The following ASCC1 variants were observed in gnomAD, a reference collection of about 807,000 sequenced individuals.
The protein encoded by ASCC1 is activating signal cointegrator 1 complex subunit 1.
In ASCC1, 35 loss-of-function variants were observed where a neutral mutation model predicts 46.6. That is an observed-to-expected ratio of 0.75 (90% CI 0.57 to 0.99). The LOEUF (loss-of-function observed/expected upper bound fraction) is 0.99, where lower values mean the gene tolerates loss of function less well. Ranked by LOEUF, ASCC1 falls within the 50% of genes least tolerant of loss-of-function variation. The pLI is 0.00. For missense variants in ASCC1, 376 were observed against 428.7 expected (o/e 0.88, Z 1.09); for synonymous variants, 143 against 146.6 (o/e 0.98, Z 0.18).
intron 9 of ASCC1, among the ~76,000 whole-genome samples, chr10:72,099,127 T>G (rs576912623): frequency 2.0e-5 from 3 of 152,092 alleles, no homozygotes; most frequent in African/African-American, 7.3e-5. Flanking sequence ...AGCCTGTGAG[T>G]GCTACCTTCT....
At chr10:72,129,851 T>C (rs1323023070) in intron 8 of ASCC1, among the ~76,000 whole-genome samples, 1 of 150,120 alleles carries the variant, frequency 6.7e-6, no homozygotes, top group African/African-American at 2.4e-5. Context: ...TGTAGTGGCA[T>C]GTGCCTGTAT....
intron 9 of ASCC1, among the ~76,000 whole-genome samples, chr10:72,127,246 T>C (rs1056504530): frequency 6.6e-6 from 1 of 152,220 alleles, no homozygotes; most frequent in Non-Finnish European, 1.5e-5. Context: ...ACCTCTCCAT[T>C]AGTATCAACT....
At chr10:72,206,061 G>A (rs1420016172) in intron 3 of ASCC1, among the ~76,000 whole-genome samples, 1 of 149,194 alleles carries the variant, frequency 6.7e-6, no homozygotes, top group East Asian at 2.0e-4. Flanking sequence ...CTGAGATTGT[G>A]CCATTCCACT....
chr10:72,133,560 A>C (rs1218085065), intron 7 of ASCC1: 4 of 305,240 alleles, frequency 1.3e-5, no homozygotes, highest in African/African-American at 2.2e-5. Context: ...AAGTGCAAAG[A>C]TGCCAAGGCA....
At chr10:72,194,952 G>C (rs947015298) in intron 5 of ASCC1, among the ~76,000 whole-genome samples, 6 of 151,830 alleles carry the variant, frequency 4.0e-5, no homozygotes, top group Non-Finnish European at 5.9e-5. Context: ...ATGTTGGTCA[G>C]GCTGGTCTCA....
intron 7 of ASCC1, among the ~76,000 whole-genome samples, chr10:72,149,812 T>A: frequency 6.6e-6 from 1 of 152,202 alleles, no homozygotes; most frequent in East Asian, 1.9e-4. Flanking sequence ...TGTGATCTCC[T>A]ATAAAGTAAC....
intron 5 of ASCC1, chr10:72,190,524 G>T: frequency 1.9e-6 from 3 of 1,562,528 alleles, no homozygotes; most frequent in Non-Finnish European, 1.7e-6. Flanking sequence ...GGTGGTTCTC[G>T]CAGGGCAGCT....
chr10:72,160,358 G>A lies in ASCC1; in HGVS notation c.626+1180C>T, dbSNP rs572638689. ...AGTAAAAAAACTATTTGAGTGAATT[G>A]GCTTTCACATTTCTCTCTTTTGTCA... On this transcript the variant is annotated intron_variant, in intron 6 of 9. Transcript: ENST00000672957. 2.6e-5 allele frequency among the ~76,000 whole-genome samples: 4 copies of A among 152,162 alleles called. No individual in the cohort carries two copies. The South Asian group carries it at 6.2e-4, about 24-fold the overall frequency.
At chr10:72,113,794 T>C (rs1453491646) in intron 9 of ASCC1, among the ~76,000 whole-genome samples, 1 of 152,348 alleles carries the variant, frequency 6.6e-6, no homozygotes, top group South Asian at 2.1e-4. Flanking sequence ...GCTGTCAAAA[T>C]ATGAAAAGCC....
chr10:72,190,712 T>G, intron 5 of ASCC1: 1 of 606,400 alleles, frequency 1.6e-6, no homozygotes, highest in East Asian at 2.8e-5. Flanking sequence ...ACAGTTAAAG[T>G]GAAGGCCGGG....
intron 7 of ASCC1, chr10:72,133,539 G>T (rs765571214): frequency 6.5e-6 from 2 of 308,406 alleles, no homozygotes; most frequent in Non-Finnish European, 1.3e-5. Context: ...TCAAGTAGAA[G>T]AAGAAACAGC....
rs1853460158 is a variant in ASCC1 at position 72,186,436 on chromosome 10, T to C, written c.489+10375A>G. 2.0e-5 allele frequency among the ~76,000 whole-genome samples: 3 copies of C among 152,172 alleles called. 1 individual carries two copies. In the South Asian group the frequency reaches 6.2e-4, roughly 32 times the overall value. ...TTAGAGATGAGGAAACTCTCAGAGA[T>C]GACAAATGAGTTTCAGAGGAGCCAA... On this transcript the variant is annotated intron_variant, in intron 5 of 9. Transcript: ENST00000672957.
chr10:72,210,323 C>G (rs765549594), intron 3 of ASCC1, among the ~76,000 whole-genome samples: 4 of 152,108 alleles, frequency 2.6e-5, no homozygotes, highest in Non-Finnish European at 5.9e-5. Context: ...CCACACCCGG[C>G]TAATTTTTGT....
At position 72,114,639 on chromosome 10, in the gene ASCC1, A is replaced by G. The variant is rs1314292368; in HGVS notation, c.957+13443T>C. ...ACTCCGTCTCAAAAAAAAAAAAAAA[A>G]AAAGAAACATTTGCTAGAAATGAAA... On this transcript the variant is annotated intron_variant, in intron 9 of 9. Transcript: ENST00000672957. Among the ~76,000 whole-genome samples the G allele has an allele frequency of 8.5e-5, 13 of 152,114 alleles. 1 individual carries two copies. The South Asian group carries it at 1.7e-3, about 19-fold the overall frequency.
rs1358132193 is a variant in ASCC1 at position 72,096,559 on chromosome 10, T to G, written c.*775A>C. 5 of 453,876 alleles carry G rather than the reference T, an allele frequency of 1.1e-5. No homozygotes were observed. The East Asian group carries it at 2.1e-4, about 19-fold the overall frequency. The allele number at this position is 453,876 out of a possible 1,614,324, so 28.1% of individuals were successfully genotyped here. A position where few individuals can be genotyped will look rare whatever the true frequency, so the allele number is the denominator to read the frequency against. Reference sequence around the variant, plus strand: ...ACTTTAATGGTTATTTTGCTAAAGATAAAACTCTGGGTGGTAAAGGAATTA... The same window carrying G: ...ACTTTAATGGTTATTTTGCTAAAGAGAAAACTCTGGGTGGTAAAGGAATTA... On this transcript the variant is annotated 3_prime_UTR_variant, in exon 10 of 10. Coordinates refer to ENST00000672957, the MANE Select transcript of ASCC1 (RefSeq NM_001198800.3).
chr10:72,160,407 A>G (rs1397894062), intron 6 of ASCC1, among the ~76,000 whole-genome samples: 1 of 152,204 alleles, frequency 6.6e-6, no homozygotes, highest in African/African-American at 2.4e-5. Context: ...GGAAGAAAGT[A>G]AAGGGAAATA....
intron 7 of ASCC1, among the ~76,000 whole-genome samples, chr10:72,144,758 CCT>C (rs764089834): frequency 1.3e-5 from 2 of 152,034 alleles, no homozygotes; most frequent in Non-Finnish European, 2.9e-5. Context: ...CTAGAATTCC[CCT>C]TAGTCCTGAT....
chr10:72,213,491 T>G (rs1248350270), intron 1 of ASCC1, 160 bp from the exon 2 acceptor site: 1 of 588,162 alleles, frequency 1.7e-6, no homozygotes, highest in Non-Finnish European at 3.1e-6. Flanking sequence ...TGTAAACCAG[T>G]TTAGGTTAAT....
At chr10:72,127,977 A>C (rs182047242) in intron 9 of ASCC1, 105 bp downstream of exon 9, 1 of 948,988 alleles carries the variant, frequency 1.1e-6, no homozygotes, top group African/African-American at 1.7e-5. Flanking sequence ...AAGTATGAGA[A>C]AAAGTATGAA....
Sources: allele counts gnomAD v4.1 joint callset (sites outside exome capture counted in the v4.1 genomes callset), GRCh38; gene constraint gnomAD v4.1.1; transcripts MANE v1.5; gene names NCBI Gene and HGNC (gene_info 2026-07-23, HGNC 2026-07-21).